Variants in CCNL2 observed in about 807,000 individuals in gnomAD.
CCNL2 encodes cyclin L2.
Under a neutral mutation model 59.1 loss-of-function variants are expected in CCNL2, and 28 were observed. That is an observed-to-expected ratio of 0.47 (90% CI 0.35 to 0.65). The LOEUF (loss-of-function observed/expected upper bound fraction) is 0.65. Among genes scored for constraint, CCNL2 ranks in the 30% least tolerant of loss-of-function variants. The pLI is 0.00. For synonymous variants in CCNL2, 342 were observed against 288.6 expected (o/e 1.19, Z -1.88); for missense variants, 714 against 717.4 (o/e 1.00, Z 0.05).
At chr1:1,398,951 C>T (rs1329451095) in intron 1 of CCNL2, 68 bp downstream of exon 1, 7 of 1,489,088 alleles carry the variant, frequency 4.7e-6, no homozygotes, top group Non-Finnish European at 6.2e-6. Context: ...GGGCCCGACT[C>T]GCCGCCAACA....
At chr1:1,395,327 T>C (rs1007990854) in intron 4 of CCNL2, 67 bp downstream of exon 4, 50 of 1,580,556 alleles carry the variant, frequency 3.2e-5, no homozygotes, top group Non-Finnish European at 3.7e-5. Context: ...TGCACTGAGG[T>C]GGAGAGAGGC....
chr1:1,387,139 G>A lies in CCNL2; in HGVS notation c.*92C>T, dbSNP rs888078685. 36 of 984,334 alleles carry A rather than the reference G, an allele frequency of 3.7e-5. No individual in the cohort carries two copies. The Admixed American group carries it at 4.6e-4, about 13-fold the overall frequency. 61.0% of individuals were successfully genotyped at this position (984,334 alleles called of 1,614,324 possible). ...GACCACTTGCGCTGAGAGCACACCC[G>A]GGGGTCAAAGGGCAGCCACCGGGGG... is the stretch of plus-strand genomic sequence containing the variant. On this transcript the variant is annotated 3_prime_UTR_variant, in exon 11 of 11. Coordinates refer to ENST00000400809, the MANE Select transcript of CCNL2 (RefSeq NM_030937.6).
At position 1,398,292 on chromosome 1, in the gene CCNL2, T is replaced by G. The variant is rs996581394; in HGVS notation, c.414A>C (p.Pro138=). Residue 138 remains proline, a synonymous_variant, in exon 3 of 11, where the codon CCA becomes CCC. Transcript: ENST00000400809. ...VHLASKIEEA[P]RRIRDVINVF... ...CATTGATGACGTCCCGTATGCGTCT[T>G]GGGGCCTCTTCTATCTTGGAAGCCA... is the stretch of plus-strand genomic sequence containing the variant. The G allele has an allele frequency of 5.6e-6, 9 of 1,614,104 alleles. No homozygotes were observed. The highest frequency in any genetic ancestry group is 7.6e-6 in the Non-Finnish European group (9 of 1,180,042).
intron 5 of CCNL2, chr1:1,392,567 C>G: frequency 7.1e-7 from 1 of 1,402,426 alleles, no homozygotes; most frequent in Non-Finnish European, 9.2e-7. Flanking sequence ...CAAGTCAAGA[C>G]AGTTACCAAC....
At chr1:1,390,044 G>T (rs1644677632) in intron 8 of CCNL2, among the ~76,000 whole-genome samples, 186 bp downstream of exon 8, 1 of 151,682 alleles carries the variant, frequency 6.6e-6, no homozygotes, top group Non-Finnish European at 1.5e-5. Flanking sequence ...CTTGAATCCA[G>T]GAGTTGGAAG....
intron 8 of CCNL2, among the ~76,000 whole-genome samples, chr1:1,389,683 G>A (rs190466281): frequency 6.6e-6 from 1 of 152,206 alleles, no homozygotes; most frequent in Non-Finnish European, 1.5e-5. Context: ...AGCACAGCTG[G>A]GCACGGTGGC....
chr1:1,390,518 T>C lies in CCNL2; in HGVS notation c.805A>G (p.Thr269Ala), dbSNP rs141687986. The change falls in exon 7 of 11, where the codon ACT becomes GCT. Residue 269 changes from threonine to alanine, a missense_variant. By Grantham distance (58) the Thr-to-Ala change is moderately conservative (BLOSUM62 0). This residue lies in a region of CCNL2 where 403 missense variants were observed against 377.7 expected (regional missense o/e 1.07). Transcript: ENST00000400809. ...RPHWFLLFGA[T>A]EEEIQEICLK... ...CAGATTTCCTGAATTTCTTCTTCAG[T>C]TGCTCCAAACAAAAGAAACCAATGG... The C allele has an allele frequency of 6.2e-7, 1 of 1,613,762 alleles. No individual in the cohort carries two copies. Among genetic ancestry groups the C allele is most frequent in the Non-Finnish European group, 8.5e-7 (1 of 1,179,972 alleles).
intron 8 of CCNL2, among the ~76,000 whole-genome samples, chr1:1,389,630 A>G (rs1644656195): frequency 6.6e-6 from 1 of 152,172 alleles, no homozygotes; most frequent in South Asian, 2.1e-4. Flanking sequence ...CCCGGCCAAC[A>G]TAGCAAGACC....
At position 1,392,765 on chromosome 1, in the gene CCNL2, C is replaced by T. The variant is rs1644823272; in HGVS notation, c.659+631G>A. The T allele has an allele frequency of 1.9e-6, 3 of 1,610,938 alleles. No individual in the cohort carries two copies. In the South Asian group the frequency reaches 3.3e-5, roughly 18 times the overall value. ...TCCCTGCACCAAAGCGCTTGGACAG[C>T]AGAGGAGAAGTCTTAGTCACTTACC... is the stretch of plus-strand genomic sequence containing the variant. On this transcript the variant is annotated intron_variant, in intron 5 of 10. Coordinates refer to ENST00000400809, the MANE Select transcript of CCNL2 (RefSeq NM_030937.6).
intron 3 of CCNL2, among the ~76,000 whole-genome samples, chr1:1,396,132 T>C (rs1163239285): frequency 7.3e-6 from 1 of 136,476 alleles, no homozygotes; most frequent in Non-Finnish European, 1.5e-5. Flanking sequence ...TGAGCCGAGA[T>C]CGCATCACTG....
chr1:1,390,113 C>CAAAAAA, intron 8 of CCNL2, 117 bp downstream of exon 8: 3 of 693,388 alleles, frequency 4.3e-6, no homozygotes, highest in East Asian at 3.1e-5. Flanking sequence ...GACCCTGTCT[C>CAAAAAA]AAAAAAAAAA....
chr1:1,397,286 A>G (rs768036873), intron 3 of CCNL2, among the ~76,000 whole-genome samples: 2 of 152,068 alleles, frequency 1.3e-5, no homozygotes, highest in Non-Finnish European at 2.9e-5. Flanking sequence ...GCCATGAAGC[A>G]ACATCAACAG....
Position 1,387,084 on chromosome 1 carries a change from C to CA in CCNL2, c.*146dup. On this transcript the variant is annotated 3_prime_UTR_variant, in exon 11 of 11. Transcript: ENST00000400809. ...TCCAAATCCACCAAGGTCCAGTCGACAGACATTTCCAAAAAGAATCCTGTT... is the reference window on the plus strand; with the variant it reads ...TCCAAATCCACCAAGGTCCAGTCGACAAGACATTTCCAAAAAGAATCCTGTT... 1 of 623,852 alleles carries CA rather than the reference C, an allele frequency of 1.6e-6. No individual in the cohort carries two copies. The allele number at this position is 623,852 out of a possible 1,614,324, so 38.6% of individuals were successfully genotyped here.
Position 1,393,437 on chromosome 1 carries a change from C to A in CCNL2, c.618G>T (p.Val206=). The change falls in exon 5 of 11, where the codon GTG becomes GTT. Residue 206 remains valine, a synonymous_variant. Coordinates refer to ENST00000400809, the MANE Select transcript of CCNL2 (RefSeq NM_030937.6). ...PHKIIVMYLQ[V]LECERNQHLV... Reference sequence around the variant, plus strand: ...GGTGTTGGTTACGCTCACACTCTAACACCTGAAGGTACATAACGATTATCT... The same window carrying A: ...GGTGTTGGTTACGCTCACACTCTAAAACCTGAAGGTACATAACGATTATCT... The A allele has an allele frequency of 6.2e-7, 1 of 1,614,134 alleles. No homozygotes were observed. Among genetic ancestry groups the A allele is most frequent in the Non-Finnish European group, 8.5e-7 (1 of 1,179,964 alleles).
Position 1,398,251 on chromosome 1 carries a change from C to T in CCNL2, c.455G>A (p.Arg152Gln). The stretch of plus-strand genomic sequence containing the variant: ...GACTCACTTTTTGTCTCTCAGCTGT[C>T]GAAGGCGGTGAAACACATTGATGAC... The part of the protein sequence containing the change: ...RDVINVFHRL[R>Q]QLRDKKKPVP... The change falls in exon 3 of 11, where the codon CGA becomes CAA. Residue 152 changes from arginine (R) to glutamine (Q), a missense_variant. Coordinates refer to ENST00000400809, the MANE Select transcript of CCNL2 (RefSeq NM_030937.6). The T allele has an allele frequency of 1.2e-6, 2 of 1,614,202 alleles. No homozygotes were observed. Among genetic ancestry groups the T allele is most frequent in the Non-Finnish European group, 1.7e-6 (2 of 1,180,026 alleles).
rs143567956 is a variant in CCNL2 at position 1,386,888 on chromosome 1, G to A, written c.*343C>T. The A allele has an allele frequency of 0.032, 8,414 of 263,798 alleles. 202 individuals are homozygous for A. Among genetic ancestry groups the A allele is most frequent in the Non-Finnish European group, 0.04 (5,559 of 139,518 alleles). 16.3% of individuals were successfully genotyped at this position (263,798 alleles called of 1,614,324 possible). On this transcript the variant is annotated 3_prime_UTR_variant, in exon 11 of 11. Transcript: ENST00000400809. The stretch of plus-strand genomic sequence containing the variant: ...GAGTATCAGTCGGGGAGTGGAGAGC[G>A]GCTGCCGATAGCACCAGGCCATGCC...
At chr1:1,391,500 A>C in intron 5 of CCNL2, 6 of 1,296,140 alleles carry the variant, frequency 4.6e-6, no homozygotes, top group Non-Finnish European at 6.1e-6. Context: ...GTGCGGAGGG[A>C]GACTCCGCAC....
At position 1,395,489 on chromosome 1, in the gene CCNL2, G is replaced by T. The variant is rs1380395322; in HGVS notation, c.499C>A (p.Gln167Lys). 2.5e-6 allele frequency: 4 copies of T among 1,614,090 alleles called. No individual in the cohort carries two copies. Among genetic ancestry groups the T allele is most frequent in the Non-Finnish European group, 3.4e-6 (4 of 1,180,028 alleles). Reference sequence around the variant, plus strand: ...TGGTTCTTTAAATTAACATAATCTTGATCCAGTAGTAGAGGCACGGGCTTC... The same window carrying T: ...TGGTTCTTTAAATTAACATAATCTTTATCCAGTAGTAGAGGCACGGGCTTC... ...KKKPVPLLLD[Q>K]DYVNLKNQII... Residue 167 changes from glutamine (Q) to lysine (K), a missense_variant, in exon 4 of 11, where the codon CAA becomes AAA. Physicochemically the swap from Gln to Lys is moderately conservative, Grantham distance 53. Transcript: ENST00000400809.
Position 1,397,056 on chromosome 1 carries a change from GTTC to G in CCNL2, c.473+1174_473+1176del, listed in dbSNP as rs1241366367. Among the ~76,000 whole-genome samples, 6 of 152,066 alleles carry G rather than the reference GTTC, an allele frequency of 3.9e-5. No homozygotes were observed. In the East Asian group the frequency reaches 1.2e-3, roughly 29 times the overall value. On this transcript the variant is annotated intron_variant, in intron 3 of 10. Coordinates refer to ENST00000400809, the MANE Select transcript of CCNL2 (RefSeq NM_030937.6). The stretch of plus-strand genomic sequence containing the variant: ...GCCACTGCACCTGGCCAATTTTTGT[GTTC>G]TTAATAGGGACAGGGTTTCACCATA...
Sources: gnomAD v4.1 joint callset for allele counts (sites outside exome capture counted in the v4.1 genomes callset) on GRCh38, gnomAD v4.1.1 for gene constraint, gnomAD v4.1.1 regional missense constraint, MANE v1.5 for transcripts, NCBI Gene and HGNC (gene_info 2026-07-23, HGNC 2026-07-21) for gene names.